FER1L5: variants seen among roughly 807,000 people sequenced by gnomAD.
FER1L5 encodes the protein fer-1-like protein 5.
In FER1L5, 187 loss-of-function variants were observed where a neutral mutation model predicts 279.9. The observed-to-expected ratio is 0.67, with a 90% CI of 0.59 to 0.75. The LOEUF (loss-of-function observed/expected upper bound fraction) is 0.75. FER1L5 is among the 30% of genes least tolerant of loss of function. The pLI is 0.00. For missense variants in FER1L5, 2,091 were observed against 2,594.4 expected (o/e 0.81, Z 4.21); for synonymous variants, 921 against 989.7 (o/e 0.93, Z 1.30).
rs1254163989 is a variant in FER1L5 at position 96,691,268 on chromosome 2, G to C, written c.2822G>C (p.Cys941Ser). Residue 941 changes from cysteine to serine, a missense_variant, in exon 28 of 53, where the codon TGC becomes TCC. By Grantham distance (112) the Cys-to-Ser change is moderately radical. Coordinates refer to ENST00000624922, the MANE Select transcript of FER1L5 (RefSeq NM_001293083.2). This position sits in a 1 kb window ranked among gnomAD's most constrained non-coding sequence, Gnocchi z 6.0. ...WSPVEKTYHS[C>S]RRRRWARVRF... The stretch of plus-strand genomic sequence containing the variant: ...CCGGTGGAGAAGACCTACCACTCGT[G>C]CCGCCGCCGGCGCTGGGCGCGTGTG... 1.9e-6 allele frequency: 3 copies of C among 1,550,540 alleles called. No individual in the cohort carries two copies. Among genetic ancestry groups the C allele is most frequent in the Non-Finnish European group, 8.7e-7 (1 of 1,146,898 alleles).
chr2:96,694,279 G>A lies in FER1L5; in HGVS notation c.3637-81G>A. 2 of 1,384,884 alleles carry A rather than the reference G, an allele frequency of 1.4e-6. No individual in the cohort carries two copies. The highest frequency in any genetic ancestry group is 2.5e-5 in the East Asian group (1 of 39,740). 85.8% of individuals were successfully genotyped at this position (1,384,884 alleles called of 1,614,324 possible). On this transcript the variant is annotated intron_variant, in intron 33 of 52. Transcript: ENST00000624922. This position sits in a 1 kb window ranked among gnomAD's most constrained non-coding sequence, Gnocchi z 4.6. ...CCCATGGGGCTCTGGGCTCGGTGAG[G>A]CCTCTGAGGGACCTGCTTGAGGTGA...
Position 96,670,119 on chromosome 2 carries a change from T to C in FER1L5, c.1363T>C (p.Cys455Arg), listed in dbSNP as rs2106568507. 1 of 1,551,658 alleles carries C rather than the reference T, an allele frequency of 6.4e-7. No homozygotes were observed. Among genetic ancestry groups the C allele is most frequent in the East Asian group, 2.4e-5 (1 of 40,926 alleles). The stretch of plus-strand genomic sequence containing the variant: ...TCCGTTTTCCTCTCGCTTGCCCTAG[T>C]GTATTCCCGACTCTGTTAGGGATGG... ...APFRIQEEGACIPDSVRDGLA... is the reference protein window; with the variant it reads ...APFRIQEEGARIPDSVRDGLA... The change falls in exon 18 of 53, where the codon TGT (cysteine) becomes CGT (arginine). Residue 455 changes from cysteine to arginine, a missense_variant and splice_region_variant. Physicochemically the swap from Cys to Arg is radical, Grantham distance 180. Coordinates refer to ENST00000624922, the MANE Select transcript of FER1L5 (RefSeq NM_001293083.2).
Position 96,695,528 on chromosome 2 carries a change from G to C in FER1L5, c.3761G>C (p.Arg1254Pro), listed in dbSNP as rs752261086. Reference protein sequence around the residue: ...MAIEILAWGLRNMKKASSPQL... With the variant: ...MAIEILAWGLPNMKKASSPQL... ...TGGTAGATCCTGGCCTGGGGCCTTC[G>C]GAACATGAAGAAGGCGAGCTCCCCC... Residue 1254 changes from arginine to proline, a missense_variant, in exon 35 of 53, where the codon CGG becomes CCG. Physicochemically the swap from Arg to Pro is moderately radical, Grantham distance 103. Coordinates refer to ENST00000624922, the MANE Select transcript of FER1L5 (RefSeq NM_001293083.2). 6 of 1,592,300 alleles carry C rather than the reference G, an allele frequency of 3.8e-6. No individual in the cohort carries two copies. Among genetic ancestry groups the C allele is most frequent in the Admixed American group, 3.5e-5 (2 of 56,450 alleles).
chr2:96,704,507 C>T lies in FER1L5; in HGVS notation c.5989C>T (p.Leu1997=), dbSNP rs762141310. 6.2e-7 allele frequency: 1 copy of T among 1,613,934 alleles called. No homozygotes were observed. Among genetic ancestry groups the T allele is most frequent in the Non-Finnish European group, 8.5e-7 (1 of 1,179,880 alleles). ...GAGCTGGATCAAACCTCAACTTCAG[C>T]TGTATCCTCCCATTAAAATATTCAA... is the stretch of plus-strand genomic sequence containing the variant. ...AMSWIKPQLQ[L]YPPIKIFNII... The change falls in exon 53 of 53, where the codon CTG becomes TTG. Residue 1997 remains leucine (L), a synonymous_variant. Transcript: ENST00000624922.
chr2:96,701,936 C>T lies in FER1L5; in HGVS notation c.5071-19C>T, dbSNP rs1056459587. The T allele has an allele frequency of 1.2e-6, 2 of 1,612,790 alleles. No homozygotes were observed. Among genetic ancestry groups the T allele is most frequent in the Non-Finnish European group, 1.7e-6 (2 of 1,179,024 alleles). On this transcript the variant is annotated intron_variant, in intron 45 of 52. Coordinates refer to ENST00000624922, the MANE Select transcript of FER1L5 (RefSeq NM_001293083.2). ...CAGAGGCTAGCAACCCCCAACCAGT[C>T]AATGTATCCCGGCTCTAGGGAAAGG...
intron 24 of FER1L5, chr2:96,688,920 C>A (rs2077035556): frequency 3.1e-6 from 1 of 322,006 alleles, no homozygotes; most frequent in East Asian, 8.5e-5. Context: ...CCCTCCCCTT[C>A]ACCCCAGACC....
Position 96,695,527 on chromosome 2 carries a change from C to T in FER1L5, c.3760C>T (p.Arg1254Trp), listed in dbSNP as rs1275970935. 6 of 1,591,824 alleles carry T rather than the reference C, an allele frequency of 3.8e-6. No individual in the cohort carries two copies. Among genetic ancestry groups the T allele is most frequent in the Admixed American group, 3.5e-5 (2 of 56,346 alleles). Residue 1254 changes from arginine (R) to tryptophan (W), a missense_variant, in exon 35 of 53, where the codon CGG (arginine) becomes TGG (tryptophan). Coordinates refer to ENST00000624922, the MANE Select transcript of FER1L5 (RefSeq NM_001293083.2). ...MAIEILAWGLRNMKKASSPQL... is the reference protein window; with the variant it reads ...MAIEILAWGLWNMKKASSPQL... ...CTGGTAGATCCTGGCCTGGGGCCTT[C>T]GGAACATGAAGAAGGCGAGCTCCCC...
At chr2:96,681,801 T>TTTA (rs1033159461) in intron 19 of FER1L5, among the ~76,000 whole-genome samples, 3 of 151,954 alleles carry the variant, frequency 2.0e-5, no homozygotes, top group Non-Finnish European at 4.4e-5. Flanking sequence ...TATTTATTTA[T>TTTA]TTATTTGAGA....
rs1256108866 is a variant in FER1L5, at chr2:96,673,078, A to G, written c.1493A>G (p.Lys498Arg). ...GGGTGGGGGCGGTTATTGTTTCAGAAGCACCAGAACCGCCAAAAGTATGGG... is the reference window on the plus strand; with the variant it reads ...GGGTGGGGGCGGTTATTGTTTCAGAGGCACCAGAACCGCCAAAAGTATGGG... ...DLSHEVTRIE[K>R]HQNRQKYGLC... The change falls in exon 19 of 53, where the codon AAG becomes AGG. Residue 498 changes from lysine to arginine, a missense_variant and splice_region_variant. Lys to Arg is a conservative substitution (Grantham distance 26). Coordinates refer to ENST00000624922, the MANE Select transcript of FER1L5 (RefSeq NM_001293083.2). The G allele has an allele frequency of 1.9e-6, 3 of 1,550,920 alleles. No homozygotes were observed. Among genetic ancestry groups the G allele is most frequent in the Non-Finnish European group, 2.6e-6 (3 of 1,146,622 alleles).
chr2:96,704,232 T>A lies in FER1L5; in HGVS notation c.5819T>A (p.Phe1940Tyr), dbSNP rs1297274239. ...LHPPLRTNTS[F>Y]TWLRSPVQNF... ...CTGGACAGACGCACCAACACCTCTT[T>A]CACGTGGCTGCGGTCACCAGTTCAA... The change falls in exon 52 of 53, where the codon TTC becomes TAC. Residue 1940 changes from phenylalanine (F) to tyrosine (Y), a missense_variant. Transcript: ENST00000624922. The A allele has an allele frequency of 1.9e-6, 3 of 1,613,876 alleles. No individual in the cohort carries two copies. The African/African-American group carries it at 4.0e-5, about 22-fold the overall frequency.
rs553479675 is a variant in FER1L5, at chr2:96,703,288, A to C, written c.5633A>C (p.Lys1878Thr). The C allele has an allele frequency of 1.8e-5, 29 of 1,613,852 alleles. No individual in the cohort carries two copies. The highest frequency in any genetic ancestry group is 3.3e-4 in the Middle Eastern group (2 of 6,062). The change falls in exon 50 of 53, where the codon AAG (lysine) becomes ACG (threonine). Residue 1878 changes from lysine (K) to threonine (T), a missense_variant. Physicochemically the swap from Lys to Thr is moderately conservative, Grantham distance 78 (BLOSUM62 -1). Transcript: ENST00000624922. ...QYKHFSLFKKKTVTGWWPCQV... is the reference protein window; with the variant it reads ...QYKHFSLFKKTTVTGWWPCQV... ...AAGCACTTCTCCCTCTTTAAGAAGA[A>C]GACTGTGACTGGCTGGTGGCCTTGC...
chr2:96,659,358 C>CTTCCTTCTTTCTTTCTTTCTTTCTTTCT (rs2075780450), intron 9 of FER1L5, among the ~76,000 whole-genome samples: 5 of 60,606 alleles, frequency 8.3e-5, no homozygotes, highest in East Asian at 1.5e-3. Context: ...TCCTTCCTTC[C>CTTCCTTCTTTCTTTCTTTCTTTCTTTCT]TTCCTTCTTT....
At chr2:96,669,940 A>G (rs2076263035) in intron 17 of FER1L5, among the ~76,000 whole-genome samples, 179 bp from the exon 18 acceptor site, 1 of 152,086 alleles carries the variant, frequency 6.6e-6, no homozygotes. Context: ...AAGAGGGCTC[A>G]ATGCCCAGAG....
chr2:96,646,585 C>A, intron 2 of FER1L5, 132 bp downstream of exon 2: 3 of 935,644 alleles, frequency 3.2e-6, no homozygotes, highest in Non-Finnish European at 4.9e-6. Context: ...CAAGGCTGGG[C>A]ATCTTGGCCT....
intron 19 of FER1L5, among the ~76,000 whole-genome samples, chr2:96,673,456 G>A (rs1423852358): frequency 1.3e-5 from 2 of 151,928 alleles, no homozygotes; most frequent in African/African-American, 4.8e-5. Context: ...GTTGAAACTA[G>A]GTCTTGACAT....
At position 96,687,961 on chromosome 2, in the gene FER1L5, G is replaced by A. The variant is rs769180641; in HGVS notation, c.2361+14G>A. ...TACGCCGAGATGGTGAGTGGTGAGCGGCAGCCCAAGGCCAGGGCAGGCACG... is the reference window on the plus strand; with the variant it reads ...TACGCCGAGATGGTGAGTGGTGAGCAGCAGCCCAAGGCCAGGGCAGGCACG... On this transcript the variant is annotated intron_variant, in intron 24 of 52. Transcript: ENST00000624922. 2.6e-4 allele frequency: 404 copies of A among 1,550,584 alleles called. 1 individual carries two copies. Among genetic ancestry groups the A allele is most frequent in the East Asian group, 1.5e-4 (6 of 40,906 alleles).
chr2:96,673,062 C>T lies in FER1L5; in HGVS notation c.1492-15C>T, dbSNP rs1411701367. ...ATGTACTGGGTATGGGGGGTGGGGG[C>T]GGTTATTGTTTCAGAAGCACCAGAA... On this transcript the variant is annotated splice_polypyrimidine_tract_variant and intron_variant, in intron 18 of 52. Transcript: ENST00000624922. 5.8e-6 allele frequency: 9 copies of T among 1,549,322 alleles called. No individual in the cohort carries two copies. In the Admixed American group the frequency reaches 5.9e-5, roughly 10 times the overall value.
At chr2:96,679,484 A>G (rs533938201) in intron 19 of FER1L5, among the ~76,000 whole-genome samples, 2 of 151,914 alleles carry the variant, frequency 1.3e-5, no homozygotes, top group Admixed American at 1.3e-4. Flanking sequence ...AGCCTCCCAA[A>G]GTGCTGGGAT....
Position 96,689,785 on chromosome 2 carries a change from T to C in FER1L5, c.2640+27T>C. Reference sequence around the variant, plus strand: ...TGAGCAGGGCCGAAGCTGCCTCGGGTTAGGGGGCAAGCAAGGCCACCAGGC... The same window carrying C: ...TGAGCAGGGCCGAAGCTGCCTCGGGCTAGGGGGCAAGCAAGGCCACCAGGC... On this transcript the variant is annotated intron_variant, in intron 26 of 52. Transcript: ENST00000624922. The surrounding 1 kb of genome is among the most constrained non-coding windows in gnomAD (Gnocchi z 4.6). The C allele has an allele frequency of 6.6e-7, 1 of 1,517,562 alleles. No individual in the cohort carries two copies. The highest frequency in any genetic ancestry group is 8.9e-7 in the Non-Finnish European group (1 of 1,129,526). The allele number at this position is 1,517,562 out of a possible 1,614,324, so 94.0% of individuals were successfully genotyped here.
Sources: gnomAD v4.1 joint callset for allele counts (sites outside exome capture counted in the v4.1 genomes callset) on GRCh38, gnomAD v4.1.1 for gene constraint, Gnocchi (gnomAD v3.1) non-coding constraint, MANE v1.5 for transcripts, NCBI Gene and HGNC (gene_info 2026-07-23, HGNC 2026-07-21) for gene names.